The following TMEM117 variants were observed in gnomAD, a reference collection of about 807,000 sequenced individuals.
TMEM117 encodes transmembrane protein 117.
TMEM117 carries 27 observed loss-of-function variants against 52.4 expected under a neutral mutation model. The ratio of observed to expected loss-of-function variants is 0.51; its 90% CI spans 0.38 to 0.71. TMEM117 has a LOEUF of 0.71. Among genes scored for constraint, TMEM117 ranks in the 30% least tolerant of loss-of-function variants. TMEM117 has a pLI of 0.00. For missense variants in TMEM117, 556 were observed against 630.5 expected, an observed-to-expected ratio of 0.88 and a Z score of 1.26; for synonymous variants, 215 against 206.3, an observed-to-expected ratio of 1.04 and a Z score of -0.36.
intron 3 of TMEM117, among the ~76,000 whole-genome samples, chr12:44,114,335 A>G (rs1478450856): frequency 1.3e-5 from 2 of 152,190 alleles, no homozygotes; most frequent in African/African-American, 2.4e-5. Flanking sequence ...GCAACCAAAA[A>G]TGAGTGAATG....
At chr12:43,922,465 A>C (rs1394233610) in intron 2 of TMEM117, among the ~76,000 whole-genome samples, 6 of 152,190 alleles carry the variant, frequency 3.9e-5, no homozygotes, top group Non-Finnish European at 8.8e-5. Context: ...GTAAATATTT[A>C]TGTGCTTTTG....
intron 3 of TMEM117, among the ~76,000 whole-genome samples, chr12:44,110,361 T>G (rs1449400393): frequency 1.9e-5 from 2 of 104,518 alleles, no homozygotes; most frequent in Admixed American, 1.1e-4. Context: ...ATAGCTCTTA[T>G]TATTTTGAAA....
At chr12:43,860,860 T>C (rs1943476896) in intron 2 of TMEM117, among the ~76,000 whole-genome samples, 1 of 152,180 alleles carries the variant, frequency 6.6e-6, no homozygotes, top group African/African-American at 2.4e-5. Flanking sequence ...ATATGGTATA[T>C]TTAAAGTTGG....
the TMEM117 span, chr12:43,798,605 CA>C: frequency 3.4e-6 from 5 of 1,468,378 alleles, no homozygotes; most frequent in Non-Finnish European, 4.5e-6. Context: ...AGAAATAAAA[CA>C]AACTATCAAA....
At chr12:44,035,978 A>G (rs1047691303) in intron 3 of TMEM117, among the ~76,000 whole-genome samples, 2 of 152,196 alleles carry the variant, frequency 1.3e-5, no homozygotes, top group South Asian at 2.1e-4. Context: ...AGAAGGACAT[A>G]TCTCATTCTT....
chr12:44,117,710 A>G (rs1446969114), intron 3 of TMEM117, among the ~76,000 whole-genome samples: 3 of 151,706 alleles, frequency 2.0e-5, no homozygotes, highest in Non-Finnish European at 4.4e-5. Flanking sequence ...TCACTTTTAT[A>G]TCATCTATAT....
intron 5 of TMEM117, among the ~76,000 whole-genome samples, chr12:44,218,926 A>G (rs148021394): frequency 3.9e-4 from 59 of 152,336 alleles, no homozygotes; most frequent in African/African-American, 1.4e-3. Flanking sequence ...TTGCATAGCT[A>G]GTGAACCTGG....
intron 3 of TMEM117, among the ~76,000 whole-genome samples, chr12:44,014,498 G>A (rs1399851042): frequency 6.6e-6 from 1 of 152,176 alleles, no homozygotes; most frequent in East Asian, 1.9e-4. Context: ...GTTCCCAGGT[G>A]ATGCTGATGC....
intron 2 of TMEM117, among the ~76,000 whole-genome samples, chr12:43,855,837 C>G (rs147905460): frequency 6.6e-6 from 1 of 152,090 alleles, no homozygotes; most frequent in Admixed American, 6.5e-5. Context: ...TGTTGAACTG[C>G]ACATATGATT....
chr12:44,305,513 C>CA (rs75683898), intron 6 of TMEM117, among the ~76,000 whole-genome samples: 2,929 of 132,722 alleles, frequency 0.022, 61 homozygotes, highest in African/African-American at 0.07. Context: ...AGACACTTCT[C>CA]AAAAAAAAAA....
chr12:44,339,176 A>G (rs1422084769), intron 6 of TMEM117, among the ~76,000 whole-genome samples: 2 of 152,086 alleles, frequency 1.3e-5, no homozygotes, highest in Non-Finnish European at 2.9e-5. Context: ...TGGTTTGCCT[A>G]ATCAATAGAA....
chr12:43,995,192 A>G (rs1946007107), intron 3 of TMEM117, among the ~76,000 whole-genome samples: 2 of 151,138 alleles, frequency 1.3e-5, no homozygotes, highest in South Asian at 4.2e-4. Flanking sequence ...AATTGCTTGG[A>G]CCCGGGAGGC....
intron 5 of TMEM117, among the ~76,000 whole-genome samples, chr12:44,255,215 A>G (rs889327339): frequency 4.6e-5 from 7 of 152,148 alleles, no homozygotes; most frequent in Non-Finnish European, 1.0e-4. Flanking sequence ...CTAGTTCTAG[A>G]TCCCTGAGGA....
intron 6 of TMEM117, among the ~76,000 whole-genome samples, chr12:44,367,907 C>T (rs1281038284): frequency 1.3e-5 from 2 of 152,112 alleles, no homozygotes; most frequent in African/African-American, 4.8e-5. Context: ...CCTGGCCACC[C>T]TTATTTAAAT....
At chr12:43,980,160 A>G (rs770018795) in intron 3 of TMEM117, among the ~76,000 whole-genome samples, 3 of 152,088 alleles carry the variant, frequency 2.0e-5, no homozygotes, top group Non-Finnish European at 4.4e-5. Flanking sequence ...CAAAACCTGC[A>G]TTTCCTCTTT....
chr12:44,260,996 A>G (rs1184441978), intron 5 of TMEM117, among the ~76,000 whole-genome samples: 1 of 152,256 alleles, frequency 6.6e-6, no homozygotes, highest in Non-Finnish European at 1.5e-5. Context: ...CTATTAACTG[A>G]TAACTATGTC....
intron 5 of TMEM117, among the ~76,000 whole-genome samples, chr12:44,213,183 ATCTT>A (rs1235550447): frequency 6.6e-6 from 1 of 152,178 alleles, no homozygotes; most frequent in African/African-American, 2.4e-5. Context: ...TACATCCTAT[ATCTT>A]TATTTATTTA....
intron 4 of TMEM117, among the ~76,000 whole-genome samples, chr12:44,194,173 G>T (rs1949389446): frequency 6.6e-6 from 1 of 152,148 alleles, no homozygotes; most frequent in Non-Finnish European, 1.5e-5. Flanking sequence ...GTGGGTTAAA[G>T]AGCATGTCAG....
intron 2 of TMEM117, among the ~76,000 whole-genome samples, chr12:43,880,553 C>T (rs897591926): frequency 2.7e-4 from 41 of 152,132 alleles, no homozygotes; most frequent in African/African-American, 9.7e-4. Flanking sequence ...TACTGTTGTT[C>T]TTAATGTAAA....
Sources: gnomAD v4.1 joint callset for allele counts (sites outside exome capture counted in the v4.1 genomes callset) on GRCh38, gnomAD v4.1.1 for gene constraint, MANE v1.5 for transcripts, NCBI Gene and HGNC (gene_info 2026-07-23, HGNC 2026-07-21) for gene names.